The following ITGA2B variants were observed in gnomAD, a reference collection of about 807,000 sequenced individuals.
ITGA2B encodes integrin alpha-IIb.
A neutral mutation model predicts 142.0 loss-of-function variants in ITGA2B; 91 were observed. The ratio of observed to expected loss-of-function variants is 0.64; its 90% CI spans 0.54 to 0.76. The LOEUF is 0.76. Ranked by LOEUF, ITGA2B falls within the 30% of genes least tolerant of loss-of-function variation. The probability of loss-of-function intolerance (pLI) is 0.00; values close to 1 mark genes in which losing one functional copy is unlikely to be tolerated. For synonymous variants in ITGA2B, 536 were observed against 567.2 expected, an observed-to-expected ratio of 0.94 and a Z score of 0.78; for missense variants, 1,231 against 1,350.8, an observed-to-expected ratio of 0.91 and a Z score of 1.39.
At chr17:44,381,131 T>G in intron 12 of ITGA2B, 70 bp from the exon 13 acceptor site, 1 of 1,463,564 alleles carries the variant, frequency 6.8e-7, no homozygotes, top group South Asian at 1.2e-5. Context: ...AAAACTTTCC[T>G]GAGCTTCTCT....
At chr17:44,373,399 G>A (rs1238070874) in intron 29 of ITGA2B, among the ~76,000 whole-genome samples, 1 of 152,008 alleles carries the variant, frequency 6.6e-6, no homozygotes, top group Admixed American at 6.6e-5. Flanking sequence ...GCCTCCCAAA[G>A]TGCTGGGATT....
rs568259115 is a variant in ITGA2B at position 44,373,231 on chromosome 17, G to A, written c.3061-808C>T. ...TGGCTCACTGCAACCTTCACCTCCC[G>A]GGTTCAAGTGATTCTCCTGCCTCAG... is the stretch of plus-strand genomic sequence containing the variant. On this transcript the variant is annotated intron_variant, in intron 29 of 29. Coordinates refer to ENST00000262407, the MANE Select transcript of ITGA2B (RefSeq NM_000419.5). Among the ~76,000 whole-genome samples, 28 of 151,892 alleles carry A rather than the reference G, an allele frequency of 1.8e-4. No homozygotes were observed. The East Asian group carries it at 4.7e-3, about 25-fold the overall frequency.
rs2048641862 is a variant in ITGA2B at position 44,385,681 on chromosome 17, T to C, written c.444A>G (p.Glu148=). 6.2e-7 allele frequency: 1 copy of C among 1,613,600 alleles called. No individual in the cohort carries two copies. Among genetic ancestry groups the C allele is most frequent in the South Asian group, 1.1e-5 (1 of 91,092 alleles). ...GCGTCTTCTCAGCCTCCTCAGTCTT[T>C]TCTAGGACGTTCCAGTGCTGCCAGG... The part of the protein sequence containing the change: ...CAPWQHWNVL[E]KTEEAEKTPV... Residue 148 remains glutamate, a synonymous_variant, in exon 4 of 30, where the codon GAA becomes GAG. Coordinates refer to ENST00000262407, the MANE Select transcript of ITGA2B (RefSeq NM_000419.5).
chr17:44,387,642 A>T (rs1472958450), intron 1 of ITGA2B, among the ~76,000 whole-genome samples: 4 of 151,094 alleles, frequency 2.6e-5, no homozygotes, highest in Middle Eastern at 3.5e-3. Context: ...CCTGACCAAC[A>T]TGGAGAAACC....
At chr17:44,385,115 G>T (rs371699604) in intron 6 of ITGA2B, 39 bp from the exon 7 acceptor site, 1 of 1,614,144 alleles carries the variant, frequency 6.2e-7, no homozygotes, top group Non-Finnish European at 8.5e-7. Flanking sequence ...GCCCAAAGCG[G>T]TCTCCTTGGG....
intron 1 of ITGA2B, 110 bp downstream of exon 1, chr17:44,389,176 A>G (rs904762190): frequency 4.9e-6 from 6 of 1,235,230 alleles, no homozygotes; most frequent in Non-Finnish European, 7.1e-6. Flanking sequence ...TAGGCCCCAC[A>G]AGTCACCTTG....
rs374631876 is a variant in ITGA2B at position 44,385,669 on chromosome 17, C to T, written c.456G>A (p.Glu152=). 9.3e-6 allele frequency: 15 copies of T among 1,613,646 alleles called. No individual in the cohort carries two copies. Among genetic ancestry groups the T allele is most frequent in the Non-Finnish European group, 1.3e-5 (15 of 1,180,028 alleles). ...QHWNVLEKTE[E]AEKTPVGSCF... is the part of the protein sequence containing the mutation. ...AGCTACCTACGGGCGTCTTCTCAGC[C>T]TCCTCAGTCTTTTCTAGGACGTTCC... The change falls in exon 4 of 30, where the codon GAG becomes GAA. Residue 152 remains glutamate (E), a synonymous_variant. Transcript: ENST00000262407.
chr17:44,379,015 G>A (rs913622613), intron 18 of ITGA2B, among the ~76,000 whole-genome samples: 36 of 151,942 alleles, frequency 2.4e-4, no homozygotes, highest in Admixed American at 1.4e-3. Flanking sequence ...GCACTATCTC[G>A]GCTCACTGCA....
At chr17:44,381,516 G>T (rs1341961995) in intron 12 of ITGA2B, among the ~76,000 whole-genome samples, 1 of 151,842 alleles carries the variant, frequency 6.6e-6, no homozygotes, top group Non-Finnish European at 1.5e-5. Flanking sequence ...TTTCAGTAGA[G>T]ACGGGGTTTC....
Position 44,375,076 on chromosome 17 carries a change from A to G in ITGA2B, c.2763T>C (p.Cys921=). 6.5e-7 allele frequency: 1 copy of G among 1,548,760 alleles called. No individual in the cohort carries two copies. The highest frequency in any genetic ancestry group is 8.7e-7 in the Non-Finnish European group (1 of 1,146,916). The change falls in exon 27 of 30, where the codon TGT becomes TGC. Residue 921 remains cysteine, a synonymous_variant. Transcript: ENST00000262407. The part of the protein sequence containing the change: ...CDSAPCTVVQ[C]DLQEMARGQR... ...GCCCGCGCGCCATCTCCTGCAGGTC[A>G]CACTGCACCACAGTACAGGGCGCCG...
intron 21 of ITGA2B, among the ~76,000 whole-genome samples, chr17:44,377,344 C>A (rs972338119): frequency 6.6e-6 from 1 of 151,998 alleles, no homozygotes; most frequent in African/African-American, 2.4e-5. Flanking sequence ...TATAGGCGTG[C>A]GCCACCATGC....
At chr17:44,381,641 T>A (rs1207491733) in intron 12 of ITGA2B, among the ~76,000 whole-genome samples, 3 of 142,548 alleles carry the variant, frequency 2.1e-5, no homozygotes, top group Non-Finnish European at 3.1e-5. Flanking sequence ...CCTTTTAAAA[T>A]TTTTTTATTT....
intron 12 of ITGA2B, 46 bp from the exon 13 acceptor site, chr17:44,381,107 C>A: frequency 6.3e-7 from 1 of 1,578,654 alleles, no homozygotes; most frequent in South Asian, 1.1e-5. Context: ...TATTCAGCCT[C>A]CCTAGATGAC....
chr17:44,386,172 G>T lies in ITGA2B; in HGVS notation c.189-41C>A, dbSNP rs368850945. On this transcript the variant is annotated intron_variant, in intron 1 of 29. Coordinates refer to ENST00000262407, the MANE Select transcript of ITGA2B (RefSeq NM_000419.5). The stretch of plus-strand genomic sequence containing the variant: ...GGGTGAGCGCCGCGCAGATTCCAGC[G>T]TATCCCAGGCCCTGGCGCCGGCGCT... The T allele has an allele frequency of 6.4e-5, 99 of 1,554,686 alleles. No homozygotes were observed. In the African/African-American group the frequency reaches 1.3e-3, roughly 20 times the overall value.
In ITGA2B at chr17:44,383,594, G is replaced by A. The variant is rs571678984; in HGVS notation, c.1109C>T (p.Ala370Val). 1.2e-6 allele frequency: 2 copies of A among 1,611,040 alleles called. No homozygotes were observed. The highest frequency in any genetic ancestry group is 1.1e-5 in the South Asian group (1 of 90,408). Residue 370 changes from alanine to valine, a missense_variant, in exon 12 of 30, where the codon GCG (alanine) becomes GTG (valine). By Grantham distance (64) the Ala-to-Val change is moderately conservative (BLOSUM62 0). Coordinates refer to ENST00000262407, the MANE Select transcript of ITGA2B (RefSeq NM_000419.5). ...YLFLQPRGPH[A>V]LGAPSLLLTG... The stretch of plus-strand genomic sequence containing the variant: ...CAGCAGGAGGCTGGGGGCACCCAGC[G>A]CGTGGGGGCCTCGCGGCTGCAGGAA...
intron 29 of ITGA2B, chr17:44,373,989 T>G: frequency 6.6e-6 from 2 of 305,224 alleles, no homozygotes; most frequent in Admixed American, 4.2e-5. Flanking sequence ...CACTGCAACC[T>G]CCGCCTCCTG....
intron 28 of ITGA2B, 93 bp from the exon 29 acceptor site, chr17:44,374,563 C>A: frequency 6.7e-7 from 1 of 1,497,864 alleles, no homozygotes; most frequent in South Asian, 1.1e-5. Flanking sequence ...GCCATGCCAC[C>A]CACCCGTACC....
chr17:44,375,545 C>T (rs1370804610), intron 26 of ITGA2B, 46 bp downstream of exon 26: 7 of 1,606,676 alleles, frequency 4.4e-6, no homozygotes, highest in Non-Finnish European at 4.3e-6. Flanking sequence ...CCCTCTGCCC[C>T]GTGGGTCCCG....
At chr17:44,382,076 C>A (rs1002724919) in intron 12 of ITGA2B, among the ~76,000 whole-genome samples, 21 of 152,088 alleles carry the variant, frequency 1.4e-4, no homozygotes, top group Admixed American at 1.4e-3. Context: ...TTCCCTTTCC[C>A]CATTTGACCC....
Sources: gnomAD v4.1 joint callset for allele counts (sites outside exome capture counted in the v4.1 genomes callset) on GRCh38, gnomAD v4.1.1 for gene constraint, MANE v1.5 for transcripts, NCBI Gene and HGNC (gene_info 2026-07-23, HGNC 2026-07-21) for gene names.